Variants in PPP2R2B observed in about 807,000 individuals in gnomAD.
PPP2R2B encodes the protein serine/threonine-protein phosphatase 2A 55 kDa regulatory subunit B beta isoform.
A neutral mutation model predicts 46.0 loss-of-function variants in PPP2R2B; 5 were observed. That is an observed-to-expected ratio of 0.11 (90% CI 0.06 to 0.23). The LOEUF (loss-of-function observed/expected upper bound fraction) is 0.23. Among genes scored for constraint, PPP2R2B ranks in the 10% least tolerant of loss-of-function variants. The pLI, the probability that PPP2R2B is intolerant of heterozygous loss-of-function variation, is 1.00. For synonymous variants in PPP2R2B, 215 were observed against 206.7 expected (o/e 1.04, Z -0.34); for missense variants, 367 against 575.0 (o/e 0.64, Z 3.70).
chr5:147,000,676 C>G (rs555179343), intron 1 of PPP2R2B, among the ~76,000 whole-genome samples: 1 of 78,498 alleles, frequency 1.3e-5, no homozygotes, highest in South Asian at 5.1e-4. Context: ...TTTTTAATGG[C>G]AAAAACCACA....
chr5:146,871,692 G>C (rs1582321600), intron 2 of PPP2R2B, among the ~76,000 whole-genome samples: 2 of 152,318 alleles, frequency 1.3e-5, no homozygotes, highest in African/African-American at 2.4e-5. Flanking sequence ...TATATGTGGA[G>C]GGTGGAGCAC....
chr5:146,595,282 C>T (rs1366090925), intron 8 of PPP2R2B, among the ~76,000 whole-genome samples: 3 of 152,162 alleles, frequency 2.0e-5, no homozygotes, highest in African/African-American at 4.8e-5. Flanking sequence ...AACTCATTCA[C>T]CTTCACTAGG....
intron 5 of PPP2R2B, among the ~76,000 whole-genome samples, chr5:146,659,547 A>G (rs1319022957): frequency 6.6e-6 from 1 of 152,200 alleles, no homozygotes; most frequent in East Asian, 1.9e-4. Flanking sequence ...CACTGTTAGG[A>G]GAACTTAGCA....
chr5:147,063,501 A>G (rs1460462995), intron 2 of PPP2R2B, among the ~76,000 whole-genome samples: 1 of 152,226 alleles, frequency 6.6e-6, no homozygotes, highest in Admixed American at 6.5e-5. Flanking sequence ...CTGGATAAAA[A>G]ATGTTCCAAT....
chr5:146,798,669 A>C (rs952242479), intron 2 of PPP2R2B, among the ~76,000 whole-genome samples: 2 of 152,242 alleles, frequency 1.3e-5, no homozygotes, highest in Admixed American at 6.5e-5. Context: ...AGTAGCAACT[A>C]ATATTGACTC....
rs115954584 is a variant in PPP2R2B at position 146,712,790 on chromosome 5, C to T, written c.71-11648G>A. On this transcript the variant is annotated intron_variant, in intron 2 of 9. Transcript: ENST00000394411. ...TCCCCAATAGAGGAGGACTGGTCTT[C>T]GGTCAAGGGTATATGAGTAGCTGTG... is the stretch of plus-strand genomic sequence containing the variant. Among the ~76,000 whole-genome samples the T allele has an allele frequency of 8.7e-3, 1,325 of 152,172 alleles. 27 individuals carry two copies. Among genetic ancestry groups the T allele is most frequent in the African/African-American group, 0.03 (1,262 of 41,518 alleles).
chr5:146,590,199 G>T lies in PPP2R2B; in HGVS notation c.1080C>A (p.Asn360Lys), dbSNP rs752263391. 2 of 1,608,904 alleles carry T rather than the reference G, an allele frequency of 1.2e-6. No individual in the cohort carries two copies. The highest frequency in any genetic ancestry group is 1.7e-6 in the Non-Finnish European group (2 of 1,179,558). ...TGTTTCTGTCGAACATCCTGAAGAAGTTGTTGTAGGAGCCTGTCATGATGA... is the reference window on the plus strand; with the variant it reads ...TGTTTCTGTCGAACATCCTGAAGAATTTGTTGTAGGAGCCTGTCATGATGA... ...DSVIMTGSYN[N>K]FFRMFDRNTK... is the part of the protein sequence containing the mutation. Residue 360 changes from asparagine (N) to lysine (K), a missense_variant, in exon 10 of 10, where the codon AAC (asparagine) becomes AAA (lysine). Coordinates refer to ENST00000394411, the MANE Select transcript of PPP2R2B (RefSeq NM_181675.4).
chr5:146,912,505 CTTTT>C (rs751454188), intron 1 of PPP2R2B, among the ~76,000 whole-genome samples: 11 of 110,464 alleles, frequency 1.0e-4, no homozygotes, highest in Non-Finnish European at 1.5e-4. Context: ...TTCAACTTTT[CTTTT>C]TTCTTTTTTT....
chr5:146,989,170 C>T (rs1406101959), intron 1 of PPP2R2B, among the ~76,000 whole-genome samples: 2 of 151,980 alleles, frequency 1.3e-5, no homozygotes, highest in African/African-American at 4.8e-5. Context: ...TTCTACCAAA[C>T]ATTTAAAGAA....
At chr5:146,779,851 A>G (rs760463995) in intron 2 of PPP2R2B, among the ~76,000 whole-genome samples, 22 of 152,172 alleles carry the variant, frequency 1.4e-4, no homozygotes, top group Non-Finnish European at 2.6e-4. Flanking sequence ...TGTAATACAT[A>G]GTATAATTTC....
intron 1 of PPP2R2B, among the ~76,000 whole-genome samples, chr5:146,944,809 A>G (rs1478836325): frequency 1.3e-5 from 2 of 152,246 alleles, no homozygotes; most frequent in East Asian, 3.9e-4. Context: ...ACTGTGATGA[A>G]AAAAGGGCAT....
intron 1 of PPP2R2B, among the ~76,000 whole-genome samples, chr5:146,920,375 G>A (rs1474237914): frequency 6.6e-6 from 1 of 152,224 alleles, no homozygotes; most frequent in Non-Finnish European, 1.5e-5. Flanking sequence ...CACAGTGGGT[G>A]CTCAAGAAAT....
chr5:146,984,992 T>C (rs1434232537), intron 1 of PPP2R2B, among the ~76,000 whole-genome samples: 2 of 151,588 alleles, frequency 1.3e-5, no homozygotes, highest in Admixed American at 6.6e-5. Flanking sequence ...TTATCAGATG[T>C]ATAGTTTGCA....
At chr5:147,039,994 G>A (rs1303245059) in intron 1 of PPP2R2B, among the ~76,000 whole-genome samples, 1 of 152,150 alleles carries the variant, frequency 6.6e-6, no homozygotes, top group East Asian at 1.9e-4. Flanking sequence ...CCCAGGCACT[G>A]TTTTAGATGT....
chr5:147,052,139 T>C (rs531746336), intron 1 of PPP2R2B, among the ~76,000 whole-genome samples: 2 of 152,178 alleles, frequency 1.3e-5, no homozygotes, highest in South Asian at 4.2e-4. Context: ...ATCTTCTTAT[T>C]TCAAGTTAAA....
intron 1 of PPP2R2B, among the ~76,000 whole-genome samples, chr5:146,904,626 T>A (rs1027468848): frequency 6.6e-6 from 1 of 152,190 alleles, no homozygotes; most frequent in Non-Finnish European, 1.5e-5. Flanking sequence ...CCACTGATCA[T>A]ACAGACTGGC....
At chr5:146,902,959 A>T (rs1762882164) in intron 1 of PPP2R2B, among the ~76,000 whole-genome samples, 1 of 152,164 alleles carries the variant, frequency 6.6e-6, no homozygotes, top group South Asian at 2.1e-4. Context: ...TAATACGAAG[A>T]TGTTATTTGC....
In PPP2R2B at chr5:146,900,554, TCTTCCTTCCTTC is replaced by T. The variant is rs145747835; in HGVS notation, c.79+155099_79+155110del. ...TCCTTTCCTTTCTTTTTCCTTCCTT[TCTTCCTTCCTTC>T]CTTCCTTCCTTCCTTCCTTCCTTCC... On this transcript the variant is annotated intron_variant, in intron 1 of 8. Coordinates refer to the PPP2R2B transcript ENST00000336640. Among the ~76,000 whole-genome samples, 249 of 110,140 alleles carry T rather than the reference TCTTCCTTCCTTC, an allele frequency of 2.3e-3. 2 individuals are homozygous for T. Among genetic ancestry groups the T allele is most frequent in the Middle Eastern group, 8.3e-3 (2 of 240 alleles). 72.3% of individuals were successfully genotyped at this position (110,140 alleles called of 152,430 possible).
At chr5:146,811,408 CCTT>C (rs1267319550) in intron 2 of PPP2R2B, among the ~76,000 whole-genome samples, 3 of 152,162 alleles carry the variant, frequency 2.0e-5, no homozygotes, top group African/African-American at 4.8e-5. Context: ...TCTGGCTACT[CCTT>C]CTTGTTCCTT....
Sources: allele counts gnomAD v4.1 joint callset (sites outside exome capture counted in the v4.1 genomes callset), GRCh38; gene constraint gnomAD v4.1.1; transcripts MANE v1.5; gene names NCBI Gene and HGNC (gene_info 2026-07-23, HGNC 2026-07-21).